B3GAT2: variants seen among roughly 807,000 people sequenced by gnomAD.
B3GAT2 encodes beta-1,3-glucuronyltransferase 2.
A neutral mutation model predicts 27.8 loss-of-function variants in B3GAT2; 26 were observed. The ratio of observed to expected loss-of-function variants is 0.93; its 90% CI spans 0.68 to 1.30. The LOEUF is 1.30. Among genes scored for constraint, B3GAT2 ranks in the 50% most tolerant of loss-of-function variants. The pLI, the probability that B3GAT2 is intolerant of heterozygous loss-of-function variation, is 0.00. For synonymous variants in B3GAT2, 218 were observed against 195.1 expected, an observed-to-expected ratio of 1.12 and a Z score of -0.98; for missense variants, 458 against 459.0, an observed-to-expected ratio of 1.00 and a Z score of 0.02.
chr6:70,862,483 G>A (rs991547628), intron 2 of B3GAT2, among the ~76,000 whole-genome samples: 7 of 152,104 alleles, frequency 4.6e-5, no homozygotes, highest in African/African-American at 1.4e-4. Flanking sequence ...AAGTAAAGCC[G>A]ATTAGCTGGA....
In B3GAT2 at chr6:70,858,287, C is replaced by CTTTTTT. The variant is rs68188898; in HGVS notation, c.*3370_*3375dup. 13 of 290,738 alleles carry CTTTTTT rather than the reference C, an allele frequency of 4.5e-5. No homozygotes were observed. The highest frequency in any genetic ancestry group is 3.9e-4 in the African/African-American group (9 of 23,090). 18.0% of individuals were successfully genotyped at this position (290,738 alleles called of 1,614,324 possible). On this transcript the variant is annotated 3_prime_UTR_variant, in exon 4 of 4. Transcript: ENST00000230053. The stretch of plus-strand genomic sequence containing the variant: ...ATCAAACCAGATTTATTTTCTAAAT[C>CTTTTTT]TTTTTTTTTTTTTTTTTTTTTTTTT...
rs1771512371 is a variant in B3GAT2, at chr6:70,858,071, C to T, written c.*3592G>A. On this transcript the variant is annotated 3_prime_UTR_variant, in exon 4 of 4. Transcript: ENST00000230053. The stretch of plus-strand genomic sequence containing the variant: ...GAGTCCAAGCATGATGGTGGGCATG[C>T]CCATGCCCAATGGGTTTATGGGAAA... 3 of 1,613,996 alleles carry T rather than the reference C, an allele frequency of 1.9e-6. No homozygotes were observed. Among genetic ancestry groups the T allele is most frequent in the Non-Finnish European group, 1.7e-6 (2 of 1,179,986 alleles).
chr6:70,944,066 T>C (rs1765436148), intron 1 of B3GAT2, among the ~76,000 whole-genome samples: 1 of 152,186 alleles, frequency 6.6e-6, no homozygotes, highest in Non-Finnish European at 1.5e-5. Flanking sequence ...ACACAACAAA[T>C]ATATTAACAT....
Position 70,859,303 on chromosome 6 carries a change from G to C in B3GAT2, c.*2360C>G, listed in dbSNP as rs114484777. ...TTAAGGTGCTAGATGAACCAGGAAG[G>C]AGTTAATACTGGCTCTTACTTCCAG... is the stretch of plus-strand genomic sequence containing the variant. On this transcript the variant is annotated 3_prime_UTR_variant, in exon 4 of 4. Transcript: ENST00000230053. 2,395 of 1,515,810 alleles carry C rather than the reference G, an allele frequency of 1.6e-3. 34 individuals carry two copies. In the African/African-American group the frequency reaches 0.03, roughly 19 times the overall value. The allele number at this position is 1,515,810 out of a possible 1,614,324, so 93.9% of individuals were successfully genotyped here. A position where few individuals can be genotyped will look rare whatever the true frequency, so the allele number is the denominator to read the frequency against.
intron 1 of B3GAT2, among the ~76,000 whole-genome samples, chr6:70,945,414 T>G (rs1016486305): frequency 6.6e-6 from 1 of 151,968 alleles, no homozygotes; most frequent in East Asian, 1.9e-4. Context: ...GCTCAAGAAC[T>G]ACATGAAGAA....
chr6:70,956,019 G>A lies in B3GAT2; in HGVS notation c.411C>T (p.Ser137=), dbSNP rs780211141. ...GCGGCGTGGGCACGTGCAGGTGAGT[G>A]CTGGGCAGCCCGGCCCGCGCCAGGA... ...SRFLARAGLP[S]THLHVPTPRR... The change falls in exon 1 of 4, where the codon AGC becomes AGT. Residue 137 remains serine (S), a synonymous_variant. Transcript: ENST00000230053. 294 of 1,524,636 alleles carry A rather than the reference G, an allele frequency of 1.9e-4. No homozygotes were observed. The highest frequency in any genetic ancestry group is 2.3e-4 in the Non-Finnish European group (265 of 1,143,964). 94.4% of individuals were successfully genotyped at this position (1,524,636 alleles called of 1,614,324 possible). A position where few individuals can be genotyped will look rare whatever the true frequency, so the allele number is the denominator to read the frequency against.
intron 1 of B3GAT2, among the ~76,000 whole-genome samples, chr6:70,926,807 A>T (rs185549206): frequency 2.2e-4 from 33 of 152,356 alleles, no homozygotes; most frequent in Admixed American, 7.2e-4. Flanking sequence ...CAACATTCAA[A>T]TTCAGGAAAT....
intron 2 of B3GAT2, among the ~76,000 whole-genome samples, chr6:70,863,629 ATTTC>A (rs1295021447): frequency 6.6e-6 from 1 of 152,258 alleles, no homozygotes; most frequent in Admixed American, 6.5e-5. Flanking sequence ...TAACTTCCCC[ATTTC>A]TTTATTTGCG....
At chr6:70,911,034 CTTGT>C (rs1043386930) in intron 1 of B3GAT2, among the ~76,000 whole-genome samples, 18 of 151,914 alleles carry the variant, frequency 1.2e-4, no homozygotes, top group African/African-American at 2.2e-4. Flanking sequence ...TTCTTGTAAA[CTTGT>C]TTAAGTTCCT....
intron 1 of B3GAT2, among the ~76,000 whole-genome samples, chr6:70,936,815 T>C (rs1383828082): frequency 6.6e-6 from 1 of 151,836 alleles, no homozygotes; most frequent in Non-Finnish European, 1.5e-5. Context: ...AGATCCAAAA[T>C]TGACACCCTA....
chr6:70,921,529 G>C (rs1772870869), intron 1 of B3GAT2, among the ~76,000 whole-genome samples: 1 of 152,036 alleles, frequency 6.6e-6, no homozygotes, highest in Non-Finnish European at 1.5e-5. Context: ...TAGATTCCTT[G>C]GATTGGGTTT....
At chr6:70,942,168 C>G (rs923241866) in intron 1 of B3GAT2, among the ~76,000 whole-genome samples, 1 of 152,182 alleles carries the variant, frequency 6.6e-6, no homozygotes, top group Non-Finnish European at 1.5e-5. Context: ...GCTATGTATA[C>G]TTTTAAATTC....
At position 70,894,234 on chromosome 6, in the gene B3GAT2, GC is replaced by G; in HGVS notation, c.629del (p.Gly210AlafsTer40). ...TTRKVSVWPV[G>X]LVGGRRYERP... is the part of the protein sequence containing the mutation. The stretch of plus-strand genomic sequence containing the variant: ...GTTCGTAGCGCCGCCCACCAACCAG[GC>G]CCACAGGCCAGACGGAGACCTTGCG... On this transcript the variant is annotated frameshift_variant, in exon 2 of 4. Coordinates refer to ENST00000230053, the MANE Select transcript of B3GAT2 (RefSeq NM_080742.3). LOFTEE classifies it high-confidence loss of function. The G allele has an allele frequency of 6.2e-7, 1 of 1,612,660 alleles. No individual in the cohort carries two copies. The highest frequency in any genetic ancestry group is 1.3e-5 in the African/African-American group (1 of 74,978).
At chr6:70,893,041 G>A (rs990407370) in intron 2 of B3GAT2, among the ~76,000 whole-genome samples, 1 of 152,202 alleles carries the variant, frequency 6.6e-6, no homozygotes, top group East Asian at 1.9e-4. Context: ...CTGTGGAGAT[G>A]TGTGTTAAAT....
chr6:70,956,791 G>A lies in B3GAT2; in HGVS notation c.-362C>T. ...GCGCTCTTTCTGAAGAGTGGAAGCC[G>A]AGAAGCGGCACCCGGTGCGCCTCGC... On this transcript the variant is annotated 5_prime_UTR_variant, in exon 1 of 4. Coordinates refer to ENST00000230053, the MANE Select transcript of B3GAT2 (RefSeq NM_080742.3). 1.8e-6 allele frequency: 2 copies of A among 1,099,678 alleles called. No homozygotes were observed. Among genetic ancestry groups the A allele is most frequent in the Non-Finnish European group, 2.2e-6 (2 of 902,920 alleles). The allele number at this position is 1,099,678 out of a possible 1,614,324, so 68.1% of individuals were successfully genotyped here.
Position 70,947,378 on chromosome 6 carries a change from A to C in B3GAT2, c.591+8461T>G, listed in dbSNP as rs187993720. ...AAAGAGAGAAAAATCAAATAGACACAAAAAAAATGATAAAGGGGATATCAC... is the reference window on the plus strand; with the variant it reads ...AAAGAGAGAAAAATCAAATAGACACCAAAAAAATGATAAAGGGGATATCAC... On this transcript the variant is annotated intron_variant, in intron 1 of 3. Coordinates refer to ENST00000230053, the MANE Select transcript of B3GAT2 (RefSeq NM_080742.3). Among the ~76,000 whole-genome samples the C allele has an allele frequency of 1.3e-4, 19 of 150,802 alleles. No homozygotes were observed. The East Asian group carries it at 3.7e-3, about 29-fold the overall frequency.
intron 1 of B3GAT2, among the ~76,000 whole-genome samples, chr6:70,903,437 G>A (rs1412558816): frequency 6.6e-6 from 1 of 151,998 alleles, no homozygotes; most frequent in African/African-American, 2.4e-5. Context: ...TCTGTAGACT[G>A]GGAGAACATA....
chr6:70,951,209 A>T (rs1484534706), intron 1 of B3GAT2, among the ~76,000 whole-genome samples: 1 of 152,198 alleles, frequency 6.6e-6, no homozygotes, highest in African/African-American at 2.4e-5. Flanking sequence ...AATGACGACA[A>T]CAAAAAACCT....
intron 2 of B3GAT2, among the ~76,000 whole-genome samples, chr6:70,874,604 C>A (rs890192274): frequency 6.6e-6 from 1 of 152,170 alleles, no homozygotes; most frequent in South Asian, 2.1e-4. Context: ...TTTTCAAATG[C>A]CCCTACGGAA....
Sources: gnomAD v4.1 joint callset for allele counts (sites outside exome capture counted in the v4.1 genomes callset) on GRCh38, gnomAD v4.1.1 for gene constraint, MANE v1.5 for transcripts, NCBI Gene and HGNC (gene_info 2026-07-23, HGNC 2026-07-21) for gene names.